ANKS1A: variants seen among roughly 807,000 people sequenced by gnomAD.
ANKS1A encodes the protein ankyrin repeat and sterile alpha motif domain containing 1A.
ANKS1A carries 55 observed loss-of-function variants against 120.3 expected under a neutral mutation model. The ratio of observed to expected loss-of-function variants is 0.46; its 90% CI spans 0.37 to 0.57. The LOEUF is 0.57. ANKS1A is among the 20% of genes least tolerant of loss of function. The pLI is 0.00. For missense variants in ANKS1A, 1,123 were observed against 1,480.3 expected (o/e 0.76, Z 3.96); for synonymous variants, 590 against 604.7 (o/e 0.98, Z 0.36).
At chr6:34,985,380 C>T (rs966065938) in intron 8 of ANKS1A, 102 bp downstream of exon 8, 8 of 1,235,630 alleles carry the variant, frequency 6.5e-6, no homozygotes, top group Non-Finnish European at 9.0e-6. Context: ...GGTGCCAGCT[C>T]ATGTTTCCGG....
intron 1 of ANKS1A, among the ~76,000 whole-genome samples, chr6:34,906,692 T>C (rs1051601198): frequency 2.6e-5 from 4 of 152,192 alleles, no homozygotes; most frequent in African/African-American, 9.6e-5. Context: ...AAGAATGAAA[T>C]TGGGTGAAAG....
chr6:35,080,054 A>T, intron 16 of ANKS1A, 126 bp downstream of exon 16: 1 of 1,054,206 alleles, frequency 9.5e-7, no homozygotes, highest in South Asian at 1.5e-5. Flanking sequence ...ACAAGAAGAG[A>T]GGAGTACAGG....
At chr6:34,924,092 TGTGTGTG>T (rs1403115538) in intron 1 of ANKS1A, among the ~76,000 whole-genome samples, 2 of 80,914 alleles carry the variant, frequency 2.5e-5, no homozygotes, top group Non-Finnish European at 5.2e-5. Context: ...GGCTTTTTCG[TGTGTGTG>T]TGTGTGTGTG....
chr6:34,929,670 T>A (rs1461155811), intron 1 of ANKS1A, among the ~76,000 whole-genome samples: 2 of 152,222 alleles, frequency 1.3e-5, no homozygotes, highest in Non-Finnish European at 2.9e-5. Context: ...GACTTTTAAA[T>A]TATGAAGATT....
Position 35,082,859 on chromosome 6 carries a change from CCTT to C in ANKS1A, c.2835+46_2835+48del, listed in dbSNP as rs1777764296. 4 of 1,585,498 alleles carry C rather than the reference CCTT, an allele frequency of 2.5e-6. No individual in the cohort carries two copies. The highest frequency in any genetic ancestry group is 1.2e-5 in the South Asian group (1 of 85,318). On this transcript the variant is annotated intron_variant, in intron 18 of 23. Transcript: ENST00000360359. This position sits in a 1 kb window ranked among gnomAD's most constrained non-coding sequence, Gnocchi z 4.1. Reference sequence around the variant, plus strand: ...TCCCAGCAGGGCCGGCCTCCCTGCTCCTTCTCGGCCAGGCACCTGCGGCCAAGT... The same window carrying C: ...TCCCAGCAGGGCCGGCCTCCCTGCTCCTCGGCCAGGCACCTGCGGCCAAGT...
chr6:35,090,473 T>A lies in ANKS1A; in HGVS notation c.*1864T>A, dbSNP rs1489908834. The A allele has an allele frequency of 3.6e-5, 42 of 1,157,992 alleles. No individual in the cohort carries two copies. In the East Asian group the frequency reaches 2.3e-3, roughly 64 times the overall value. 71.7% of individuals were successfully genotyped at this position (1,157,992 alleles called of 1,614,324 possible). ...CCTCAAGCTGTCTTTTGTGCTTAGA[T>A]CATCCATAGGTGTTTCTTCTGCTTG... On this transcript the variant is annotated 3_prime_UTR_variant, in exon 24 of 24. Transcript: ENST00000360359.
At chr6:35,091,610 G>T (rs1046826267), downstream of ANKS1A, among the ~76,000 whole-genome samples, 1 of 152,194 alleles carries the variant, frequency 6.6e-6, no homozygotes, top group South Asian at 2.1e-4. Context: ...AGGCGCAAGG[G>T]CCCCAGGATT....
chr6:34,993,732 A>G (rs1051814049), intron 9 of ANKS1A, among the ~76,000 whole-genome samples: 3 of 152,152 alleles, frequency 2.0e-5, no homozygotes, highest in Admixed American at 2.0e-4. Context: ...TTTCCTCTTG[A>G]GGAGGTGGGA....
chr6:34,899,051 A>G (rs559118396), intron 1 of ANKS1A, among the ~76,000 whole-genome samples: 14 of 152,356 alleles, frequency 9.2e-5, no homozygotes, highest in East Asian at 1.9e-4. Context: ...GCAGAAATCA[A>G]CAGCTGAATA....
Position 34,982,948 on chromosome 6 carries a change from G to C in ANKS1A, c.808+121G>C. 1 of 1,321,078 alleles carries C rather than the reference G, an allele frequency of 7.6e-7. No individual in the cohort carries two copies. The highest frequency in any genetic ancestry group is 1.2e-5 in the South Asian group (1 of 82,876). The allele number at this position is 1,321,078 out of a possible 1,614,324, so 81.8% of individuals were successfully genotyped here. ...ACTCAATGTATGTGTATCTCCACTG[G>C]TTGATTACAAGTGTGTAAACTGTTC... On this transcript the variant is annotated intron_variant, in intron 5 of 23. Coordinates refer to ENST00000360359, the MANE Select transcript of ANKS1A (RefSeq NM_015245.3). The surrounding 1 kb of genome is among the most constrained non-coding windows in gnomAD (Gnocchi z 4.9).
At position 34,991,767 on chromosome 6, in the gene ANKS1A, CACAT is replaced by C. The variant is rs370532941; in HGVS notation, c.1302+2453_1302+2456del. Among the ~76,000 whole-genome samples, 150 of 29,716 alleles carry C rather than the reference CACAT, an allele frequency of 5.0e-3. 4 individuals are homozygous for C. The Middle Eastern group carries it at 0.056, about 11-fold the overall frequency. The allele number at this position is 29,716 out of a possible 152,430, so 19.5% of individuals were successfully genotyped here. A position where few individuals can be genotyped will look rare whatever the true frequency, so the allele number is the denominator to read the frequency against. ...ACATATATACACACATATATATATA[CACAT>C]ATATATACACACATATATATATACA... On this transcript the variant is annotated intron_variant, in intron 9 of 23. Transcript: ENST00000360359.
chr6:34,922,445 G>A (rs906643502), intron 1 of ANKS1A, among the ~76,000 whole-genome samples: 2 of 152,138 alleles, frequency 1.3e-5, no homozygotes, highest in African/African-American at 4.8e-5. Flanking sequence ...GTTTTCACAC[G>A]TTGTTTTGGC....
chr6:35,003,866 TA>T (rs1773294751), intron 10 of ANKS1A, among the ~76,000 whole-genome samples: 1 of 152,296 alleles, frequency 6.6e-6, no homozygotes, highest in East Asian at 1.9e-4. Flanking sequence ...TATTGTTTTA[TA>T]CTCAGAAAAG....
intron 11 of ANKS1A, among the ~76,000 whole-genome samples, chr6:35,026,001 CT>C (rs1023027995): frequency 2.0e-5 from 3 of 152,122 alleles, no homozygotes; most frequent in Non-Finnish European, 4.4e-5. Flanking sequence ...GAGAATTTTC[CT>C]TTTCTCCCTT....
At chr6:34,943,252 G>T (rs547199747) in intron 1 of ANKS1A, among the ~76,000 whole-genome samples, 1 of 152,226 alleles carries the variant, frequency 6.6e-6, no homozygotes, top group East Asian at 1.9e-4. Context: ...ACTGCATCCG[G>T]CCTACAGCAG....
chr6:34,954,472 A>G (rs1770248009), intron 1 of ANKS1A, among the ~76,000 whole-genome samples: 1 of 152,190 alleles, frequency 6.6e-6, no homozygotes, highest in African/African-American at 2.4e-5. Context: ...GTTTATCCTG[A>G]AGATAACTGT....
At chr6:34,926,903 G>A (rs1768745439) in intron 1 of ANKS1A, among the ~76,000 whole-genome samples, 1 of 152,096 alleles carries the variant, frequency 6.6e-6, no homozygotes, top group African/African-American at 2.4e-5. Flanking sequence ...TACAATTATG[G>A]TACAGTATGA....
chr6:34,925,734 T>A (rs903824687), intron 1 of ANKS1A, among the ~76,000 whole-genome samples: 9 of 152,170 alleles, frequency 5.9e-5, no homozygotes, highest in Admixed American at 5.9e-4. Context: ...CTTTAGTTAT[T>A]TTGGAGAAGT....
At position 35,085,946 on chromosome 6, in the gene ANKS1A, C is replaced by T. The variant is rs745398471; in HGVS notation, c.3303+10C>T. The T allele has an allele frequency of 5.0e-6, 8 of 1,587,916 alleles. No homozygotes were observed. In the African/African-American group the frequency reaches 6.7e-5, roughly 13 times the overall value. Reference sequence around the variant, plus strand: ...CGTGAGGAAATCCGCAGTACGTGGGCCCCACTGGCCAAGATCCCCCTCTCC... The same window carrying T: ...CGTGAGGAAATCCGCAGTACGTGGGTCCCACTGGCCAAGATCCCCCTCTCC... On this transcript the variant is annotated intron_variant, in intron 22 of 23. Coordinates refer to ENST00000360359, the MANE Select transcript of ANKS1A (RefSeq NM_015245.3). This position sits in a 1 kb window ranked among gnomAD's most constrained non-coding sequence, Gnocchi z 4.7.
Sources: allele counts gnomAD v4.1 joint callset (sites outside exome capture counted in the v4.1 genomes callset), GRCh38; gene constraint gnomAD v4.1.1; non-coding constraint Gnocchi (gnomAD v3.1); transcripts MANE v1.5; gene names NCBI Gene and HGNC (gene_info 2026-07-23, HGNC 2026-07-21).